Variants in NUP133 observed in about 807,000 individuals in gnomAD.
NUP133 encodes the protein nuclear pore complex protein Nup133.
In NUP133, 66 loss-of-function variants were observed where a neutral mutation model predicts 146.2. The observed-to-expected ratio is 0.45, with a 90% CI of 0.37 to 0.55. NUP133 has a LOEUF of 0.55. NUP133 is among the 20% of genes least tolerant of loss of function. NUP133 has a pLI of 0.00. For missense variants in NUP133, 1,277 were observed against 1,374.8 expected, an observed-to-expected ratio of 0.93 and a Z score of 1.12; for synonymous variants, 521 against 498.8, an observed-to-expected ratio of 1.04 and a Z score of -0.59.
rs143771313 is a variant in NUP133, at chr1:229,441,728, T to C, written c.*176A>G. On this transcript the variant is annotated 3_prime_UTR_variant, in exon 26 of 26. Transcript: ENST00000261396. ...AGGTGGAAAAAACAAGTCACATAAC[T>C]GAAAACCAAAATCACAGTTACATAA... 474 of 558,154 alleles carry C rather than the reference T, an allele frequency of 8.5e-4. 5 individuals are homozygous for C. In the East Asian group the frequency reaches 0.013, roughly 15 times the overall value. The allele number at this position is 558,154 out of a possible 1,614,324, so 34.6% of individuals were successfully genotyped here.
chr1:229,458,535 C>T (rs931244730), intron 20 of NUP133, among the ~76,000 whole-genome samples: 1 of 152,104 alleles, frequency 6.6e-6, no homozygotes, highest in Non-Finnish European at 1.5e-5. Context: ...TGCTCTAAAA[C>T]TTACATATTC....
chr1:229,454,275 C>A (rs1392431158), intron 21 of NUP133, among the ~76,000 whole-genome samples: 1 of 152,160 alleles, frequency 6.6e-6, no homozygotes, highest in Non-Finnish European at 1.5e-5. Flanking sequence ...TGCTGAGTTG[C>A]AGGAAAGGGT....
At position 229,463,562 on chromosome 1, in the gene NUP133, A is replaced by C. The variant is rs1221818018; in HGVS notation, c.2666T>G (p.Met889Arg). ...TDNQSRLQRY[M>R]TQFADQNFSD... Reference sequence around the variant, plus strand: ...CATCACCTGATCAGCAAACTGGGTCATGTAGCGCTGGAGTCGGCTCTGGTT... The same window carrying C: ...CATCACCTGATCAGCAAACTGGGTCCTGTAGCGCTGGAGTCGGCTCTGGTT... Residue 889 changes from methionine to arginine, a missense_variant, in exon 19 of 26, where the codon ATG becomes AGG. Physicochemically the swap from Met to Arg is moderately conservative, Grantham distance 91 (BLOSUM62 -1). Coordinates refer to ENST00000261396, the MANE Select transcript of NUP133 (RefSeq NM_018230.3). 1.9e-6 allele frequency: 3 copies of C among 1,613,972 alleles called. No homozygotes were observed. The highest frequency in any genetic ancestry group is 1.7e-6 in the Non-Finnish European group (2 of 1,180,012).
At chr1:229,504,517 C>T (rs2102788321) in intron 2 of NUP133, among the ~76,000 whole-genome samples, 1 of 152,304 alleles carries the variant, frequency 6.6e-6, no homozygotes, top group South Asian at 2.1e-4. Flanking sequence ...ACTAATTCTC[C>T]ACCAACAGAC....
At chr1:229,476,740 A>T (rs994710067) in intron 13 of NUP133, among the ~76,000 whole-genome samples, 6 of 152,088 alleles carry the variant, frequency 3.9e-5, no homozygotes, top group Non-Finnish European at 5.9e-5. Flanking sequence ...CCTGGCCAAC[A>T]TGGTAAAACT....
At chr1:229,451,375 A>T (rs544685487) in intron 22 of NUP133, among the ~76,000 whole-genome samples, 3 of 151,748 alleles carry the variant, frequency 2.0e-5, no homozygotes, top group African/African-American at 4.8e-5. Context: ...CTCCAGCCTG[A>T]CAGCCCGAGC....
rs945065503 is a variant in NUP133, at chr1:229,441,791, A to G, written c.*113T>C. On this transcript the variant is annotated 3_prime_UTR_variant, in exon 26 of 26. Transcript: ENST00000261396. ...AGCTTCCTACATATAAAGTATAAAA[A>G]CTCAGCTATACATGTTATGAAATTG... is the stretch of plus-strand genomic sequence containing the variant. 2.3e-5 allele frequency: 20 copies of G among 863,510 alleles called. No homozygotes were observed. The highest frequency in any genetic ancestry group is 8.5e-5 in the Admixed American group (3 of 35,098). The allele number at this position is 863,510 out of a possible 1,614,324, so 53.5% of individuals were successfully genotyped here.
At chr1:229,446,235 G>A (rs1240430460) in intron 24 of NUP133, among the ~76,000 whole-genome samples, 1 of 151,754 alleles carries the variant, frequency 6.6e-6, no homozygotes, top group East Asian at 1.9e-4. Context: ...GGAGAAACCC[G>A]GTCTCTACTA....
chr1:229,458,411 G>T, intron 20 of NUP133, 115 bp from the exon 21 acceptor site: 1 of 994,332 alleles, frequency 1.0e-6, no homozygotes, highest in Non-Finnish European at 1.5e-6. Flanking sequence ...TGAATGAGAA[G>T]TCAACAGTTA....
At chr1:229,468,140 C>G (rs1411321199) in intron 15 of NUP133, among the ~76,000 whole-genome samples, 1 of 152,116 alleles carries the variant, frequency 6.6e-6, no homozygotes, top group Non-Finnish European at 1.5e-5. Context: ...AAACTGGAGA[C>G]AGAGTCAAAG....
intron 12 of NUP133, among the ~76,000 whole-genome samples, chr1:229,480,619 G>T (rs1241653435): frequency 6.6e-6 from 1 of 152,164 alleles, no homozygotes; most frequent in African/African-American, 2.4e-5. Context: ...GACCCCAGGG[G>T]CCATCTGGCA....
chr1:229,500,257 T>C (rs1157545922), intron 4 of NUP133, among the ~76,000 whole-genome samples: 1 of 152,084 alleles, frequency 6.6e-6, no homozygotes, highest in Non-Finnish European at 1.5e-5. Flanking sequence ...AAACTTTTCT[T>C]TTATGGATCA....
Position 229,440,428 on chromosome 1 carries a change from G to C in NUP133, c.*1476C>G, listed in dbSNP as rs76148598. The C allele has an allele frequency of 6.6e-6, 1 of 152,148 alleles. No individual in the cohort carries two copies. The highest frequency in any genetic ancestry group is 1.5e-5 in the Non-Finnish European group (1 of 68,048). 9.4% of individuals were successfully genotyped at this position (152,148 alleles called of 1,614,324 possible). A position where few individuals can be genotyped will look rare whatever the true frequency, so the allele number is the denominator to read the frequency against. On this transcript the variant is annotated 3_prime_UTR_variant, in exon 26 of 26. Coordinates refer to ENST00000261396, the MANE Select transcript of NUP133 (RefSeq NM_018230.3). The stretch of plus-strand genomic sequence containing the variant: ...AAGAGCAGTCGTTCTACGTCCACGC[G>C]ATCAGTGGGTTCTGGGGCATGATCA...
At chr1:229,489,445 A>T (rs995759074) in intron 9 of NUP133, among the ~76,000 whole-genome samples, 1 of 152,230 alleles carries the variant, frequency 6.6e-6, no homozygotes, top group Non-Finnish European at 1.5e-5. Flanking sequence ...AGTTGCTTCC[A>T]TTCTCATTTT....
rs1391849771 is a variant in NUP133, at chr1:229,466,635, T to C, written c.2198A>G (p.Lys733Arg). ...EVVINVNNIL[K>R]DMLQAASHYR... Reference sequence around the variant, plus strand: ...GAAGCCTTTACTATATTTTTGTACCTTGAGAATATTGTTCACATTGATCAC... The same window carrying C: ...GAAGCCTTTACTATATTTTTGTACCCTGAGAATATTGTTCACATTGATCAC... The change falls in exon 16 of 26, where the codon AAG becomes AGG. Residue 733 changes from lysine (K) to arginine (R), a missense_variant and splice_region_variant. This residue lies in a region of NUP133 where 952 missense variants were observed against 1,047.0 expected (regional missense o/e 0.91). Transcript: ENST00000261396. 2 of 1,613,920 alleles carry C rather than the reference T, an allele frequency of 1.2e-6. No homozygotes were observed. The highest frequency in any genetic ancestry group is 1.3e-5 in the African/African-American group (1 of 74,928).
intron 14 of NUP133, 120 bp from the exon 15 acceptor site, chr1:229,470,924 GT>G: frequency 1.3e-6 from 1 of 768,070 alleles, no homozygotes; most frequent in Non-Finnish European, 2.2e-6. Flanking sequence ...CCCCCAGCAA[GT>G]CCCTCCAGCT....
chr1:229,475,774 A>G (rs1400049834), intron 13 of NUP133, 42 bp from the exon 14 acceptor site: 2 of 1,456,492 alleles, frequency 1.4e-6, no homozygotes, highest in Non-Finnish European at 9.6e-7. Context: ...TAGTGGTTTT[A>G]CAACTATACT....
intron 21 of NUP133, 135 bp from the exon 22 acceptor site, chr1:229,452,778 T>C (rs188115342): frequency 5.2e-6 from 3 of 581,832 alleles, no homozygotes; most frequent in East Asian, 5.7e-5. Context: ...CTTTATTCAA[T>C]GATCTCAGAA....
intron 10 of NUP133, among the ~76,000 whole-genome samples, 183 bp downstream of exon 10, chr1:229,487,283 A>C (rs559764319): frequency 2.0e-5 from 3 of 152,308 alleles, no homozygotes; most frequent in Admixed American, 2.0e-4. Context: ...AATAGTTTGG[A>C]AATTCTAGTA....
Sources: allele counts gnomAD v4.1 joint callset (sites outside exome capture counted in the v4.1 genomes callset), GRCh38; gene constraint gnomAD v4.1.1; regional missense constraint gnomAD v4.1.1; transcripts MANE v1.5; gene names NCBI Gene and HGNC (gene_info 2026-07-23, HGNC 2026-07-21).